The following DRC11 variants were observed in gnomAD, a reference collection of about 807,000 sequenced individuals.
DRC11 encodes dynein regulatory complex subunit 11.
At chr2:236,412,290 G>C in the DRC11 span, among the ~76,000 whole-genome samples, 11 of 152,290 alleles carry the variant, frequency 7.2e-5, no homozygotes, top group African/African-American at 2.4e-4. Context: ...TATATAGGAA[G>C]TTCATGGTGC....
chr2:236,439,661 G>A, the DRC11 span, among the ~76,000 whole-genome samples: 1 of 152,034 alleles, frequency 6.6e-6, no homozygotes, highest in Non-Finnish European at 1.5e-5. Flanking sequence ...TTAAAACAAT[G>A]ATAAAATTAT....
the DRC11 span, among the ~76,000 whole-genome samples, chr2:236,371,055 G>A: frequency 6.6e-6 from 1 of 152,186 alleles, no homozygotes; most frequent in African/African-American, 2.4e-5. The surrounding 1 kb of genome is among the most constrained non-coding windows in gnomAD (Gnocchi z 5.1). Flanking sequence ...TGAGCACGCT[G>A]GATCTGTGCA....
the DRC11 span, among the ~76,000 whole-genome samples, chr2:236,340,167 G>A: frequency 2.0e-5 from 3 of 152,222 alleles, no homozygotes; most frequent in African/African-American, 4.8e-5. Context: ...GTCTCACTGT[G>A]TCATCCAGGC....
At chr2:236,352,309 C>T in the DRC11 span, among the ~76,000 whole-genome samples, 97 of 152,232 alleles carry the variant, frequency 6.4e-4, no homozygotes, top group Non-Finnish European at 1.3e-3. This position sits in a 1 kb window ranked among gnomAD's most constrained non-coding sequence, Gnocchi z 7.0. Context: ...GGGAGAGCTC[C>T]TTCACAAAGA....
At chr2:236,482,670 A>G in the DRC11 span, among the ~76,000 whole-genome samples, 1 of 152,182 alleles carries the variant, frequency 6.6e-6, no homozygotes, top group Non-Finnish European at 1.5e-5. The surrounding 1 kb of genome is among the most constrained non-coding windows in gnomAD (Gnocchi z 4.5). Flanking sequence ...TATTACACTC[A>G]AGGTTGTGTT....
chr2:236,452,570 T>C, the DRC11 span, among the ~76,000 whole-genome samples: 8 of 152,212 alleles, frequency 5.3e-5, no homozygotes, highest in African/African-American at 1.2e-4. This position sits in a 1 kb window ranked among gnomAD's most constrained non-coding sequence, Gnocchi z 4.7. Flanking sequence ...ATAAAGGCAA[T>C]TGACTGCACA....
At chr2:236,322,100 A>C in the DRC11 span, among the ~76,000 whole-genome samples, 1 of 151,994 alleles carries the variant, frequency 6.6e-6, no homozygotes, top group Admixed American at 6.6e-5. Flanking sequence ...TCCTGCCCTA[A>C]ACCTTTAAAT....
At chr2:236,463,144 A>T in the DRC11 span, among the ~76,000 whole-genome samples, 1 of 152,192 alleles carries the variant, frequency 6.6e-6, no homozygotes, top group Non-Finnish European at 1.5e-5. The surrounding 1 kb of genome is among the most constrained non-coding windows in gnomAD (Gnocchi z 5.0). Context: ...CATTACTATG[A>T]TATATTTCTA....
chr2:236,385,215 T>G, the DRC11 span, among the ~76,000 whole-genome samples: 654 of 149,260 alleles, frequency 4.4e-3, 3 homozygotes, highest in African/African-American at 0.013. Context: ...TTGGTAGCTT[T>G]ATGGGGATGG....
the DRC11 span, among the ~76,000 whole-genome samples, chr2:236,467,194 T>C: frequency 2.0e-5 from 3 of 152,248 alleles, no homozygotes; most frequent in Non-Finnish European, 2.9e-5. Flanking sequence ...GGTAGGTCTA[T>C]ACAATATAAA....
the DRC11 span, among the ~76,000 whole-genome samples, chr2:236,495,474 G>A: frequency 2.6e-5 from 4 of 152,304 alleles, no homozygotes; most frequent in African/African-American, 7.2e-5. The surrounding 1 kb of genome is among the most constrained non-coding windows in gnomAD (Gnocchi z 5.6). Context: ...GAAACCTTGA[G>A]GTTTCTCATT....
chr2:236,367,651 C>G, the DRC11 span: 9 of 156,280 alleles, frequency 5.8e-5, no homozygotes, highest in African/African-American at 1.9e-4. This position sits in a 1 kb window ranked among gnomAD's most constrained non-coding sequence, Gnocchi z 4.8. Context: ...TGTGGAGAGC[C>G]CATCTTTCCT....
the DRC11 span, among the ~76,000 whole-genome samples, chr2:236,423,037 T>C: frequency 4.0e-5 from 6 of 151,118 alleles, no homozygotes; most frequent in Admixed American, 2.0e-4. Flanking sequence ...TTACACCTTA[T>C]ACAAAAATCA....
the DRC11 span, among the ~76,000 whole-genome samples, chr2:236,474,850 G>A: frequency 6.6e-6 from 1 of 151,940 alleles, no homozygotes; most frequent in African/African-American, 2.4e-5. Context: ...AAAAATGAAT[G>A]CATAATAGAT....
chr2:236,402,012 C>T, the DRC11 span, among the ~76,000 whole-genome samples: 1 of 152,336 alleles, frequency 6.6e-6, no homozygotes, highest in Admixed American at 6.5e-5. This position sits in a 1 kb window ranked among gnomAD's most constrained non-coding sequence, Gnocchi z 6.0. Context: ...GAGAATACAA[C>T]ACAACCATCG....
chr2:236,424,400 TA>T, the DRC11 span, among the ~76,000 whole-genome samples: 1 of 152,174 alleles, frequency 6.6e-6, no homozygotes, highest in African/African-American at 2.4e-5. Context: ...TTTTGAGTAT[TA>T]CATTTTCATG....
the DRC11 span, among the ~76,000 whole-genome samples, chr2:236,445,498 ACTT>A: frequency 6.8e-6 from 1 of 147,346 alleles, no homozygotes; most frequent in East Asian, 2.0e-4. This position sits in a 1 kb window ranked among gnomAD's most constrained non-coding sequence, Gnocchi z 4.8. Flanking sequence ...ATGCTTGACT[ACTT>A]TTTTTTTTTT....
the DRC11 span, among the ~76,000 whole-genome samples, chr2:236,428,448 T>C: frequency 6.6e-6 from 1 of 152,212 alleles, no homozygotes; most frequent in African/African-American, 2.4e-5. Context: ...GCAATTGTTA[T>C]ATCCTATTGA....
the DRC11 span, among the ~76,000 whole-genome samples, chr2:236,357,872 TAC>T: frequency 8.0e-6 from 1 of 124,364 alleles, no homozygotes; most frequent in Non-Finnish European, 1.6e-5. Context: ...TATATAAATA[TAC>T]ATATACTATA....
Sources: gnomAD v4.1 joint callset for allele counts (sites outside exome capture counted in the v4.1 genomes callset) on GRCh38, gnomAD v4.1.1 for gene constraint, Gnocchi (gnomAD v3.1) non-coding constraint, MANE v1.5 for transcripts, NCBI Gene and HGNC (gene_info 2026-07-23, HGNC 2026-07-21) for gene names.